The following EXOC4 variants were observed in gnomAD, a reference collection of about 807,000 sequenced individuals.
EXOC4 encodes the protein SEC8-like 1.
In EXOC4, 71 loss-of-function variants were observed where a neutral mutation model predicts 107.2. The observed-to-expected ratio is 0.66, with a 90% CI of 0.55 to 0.81. The LOEUF (loss-of-function observed/expected upper bound fraction) is 0.81. EXOC4 is among the 30% of genes least tolerant of loss of function. The probability of loss-of-function intolerance (pLI) is 0.00; values close to 1 mark genes in which losing one functional copy is unlikely to be tolerated. For missense variants in EXOC4, 1,108 were observed against 1,189.6 expected (o/e 0.93, Z 1.01); for synonymous variants, 456 against 441.2 (o/e 1.03, Z -0.42).
chr7:133,895,766 A>G (rs754209564), intron 12 of EXOC4, 31 bp downstream of exon 12: 3 of 1,600,116 alleles, frequency 1.9e-6, no homozygotes, highest in Non-Finnish European at 1.7e-6. Context: ...TAAGCAAAGT[A>G]ACGTTTGAGC....
intron 11 of EXOC4, among the ~76,000 whole-genome samples, chr7:133,844,613 C>T (rs148227951): frequency 2.6e-4 from 40 of 152,046 alleles, no homozygotes; most frequent in Admixed American, 1.0e-3. Context: ...TGGTCTCGAT[C>T]TCTTGATCTT....
intron 11 of EXOC4, among the ~76,000 whole-genome samples, chr7:133,837,402 A>G (rs1797940206): frequency 6.6e-6 from 1 of 152,174 alleles, no homozygotes; most frequent in Non-Finnish European, 1.5e-5. Flanking sequence ...AAAGACCATA[A>G]AATAGCAGCC....
chr7:133,489,350 A>G (rs1487484252), intron 9 of EXOC4, among the ~76,000 whole-genome samples: 11 of 152,186 alleles, frequency 7.2e-5, no homozygotes, highest in Non-Finnish European at 1.0e-4. Context: ...GATATAAACA[A>G]TTTTTTAAGA....
intron 2 of EXOC4, among the ~76,000 whole-genome samples, chr7:133,278,561 C>T (rs1794052573): frequency 6.6e-6 from 1 of 151,968 alleles, no homozygotes; most frequent in Non-Finnish European, 1.5e-5. Flanking sequence ...AAGCAGGTGC[C>T]CAGATCCCAA....
intron 17 of EXOC4, among the ~76,000 whole-genome samples, chr7:134,036,902 G>T (rs1048146611): frequency 7.9e-5 from 12 of 152,226 alleles, no homozygotes; most frequent in African/African-American, 2.6e-4. Context: ...AAATAGAGAT[G>T]ATTTCTTTAC....
At chr7:133,524,754 A>G (rs1416048838) in intron 9 of EXOC4, among the ~76,000 whole-genome samples, 3 of 152,032 alleles carry the variant, frequency 2.0e-5, no homozygotes, top group African/African-American at 7.2e-5. Flanking sequence ...AGTTGTAGAT[A>G]TGTGGTGTTA....
At chr7:133,759,287 T>G (rs1344130506) in intron 10 of EXOC4, among the ~76,000 whole-genome samples, 1 of 152,152 alleles carries the variant, frequency 6.6e-6, no homozygotes, top group Non-Finnish European at 1.5e-5. Context: ...CTGTCCAGAA[T>G]CCTTTTTCTC....
rs375750983 is a variant in EXOC4, at chr7:133,478,653, A to G, written c.1329-1397A>G. On this transcript the variant is annotated intron_variant, in intron 8 of 17. Coordinates refer to ENST00000253861, the MANE Select transcript of EXOC4 (RefSeq NM_021807.4). ...TTAAGATTTTGACTGTTTTTATCAC[A>G]TCTGTGGAGGACTTTATTACCCTCT... 2.0e-5 allele frequency among the ~76,000 whole-genome samples: 3 copies of G among 152,304 alleles called. No individual in the cohort carries two copies. The South Asian group carries it at 6.2e-4, about 32-fold the overall frequency.
At chr7:133,771,952 G>T (rs1395045484) in intron 10 of EXOC4, among the ~76,000 whole-genome samples, 1 of 151,922 alleles carries the variant, frequency 6.6e-6, no homozygotes, top group African/African-American at 2.4e-5. Flanking sequence ...TTAGACATCA[G>T]ATCCCTCATA....
chr7:133,785,115 C>T (rs1796542080), intron 10 of EXOC4, among the ~76,000 whole-genome samples: 1 of 152,196 alleles, frequency 6.6e-6, no homozygotes, highest in African/African-American at 2.4e-5. Context: ...TTCCAGATTA[C>T]TGCCTCATAG....
At chr7:134,031,264 G>A (rs1426478132) in intron 17 of EXOC4, among the ~76,000 whole-genome samples, 1 of 152,144 alleles carries the variant, frequency 6.6e-6, no homozygotes, top group African/African-American at 2.4e-5. Flanking sequence ...TGATTTGTAT[G>A]GTATGTGAAT....
At chr7:133,636,439 G>T (rs1232937893) in intron 10 of EXOC4, among the ~76,000 whole-genome samples, 1 of 152,156 alleles carries the variant, frequency 6.6e-6, no homozygotes, top group Non-Finnish European at 1.5e-5. Context: ...CAAAAAGTGA[G>T]TTTTATAGTA....
intron 10 of EXOC4, among the ~76,000 whole-genome samples, chr7:133,773,091 G>A (rs1796277133): frequency 6.6e-6 from 1 of 152,014 alleles, no homozygotes; most frequent in Non-Finnish European, 1.5e-5. Flanking sequence ...TTTCATCCCA[G>A]AGCATGCCTG....
chr7:134,043,157 T>C (rs891150036), intron 17 of EXOC4, among the ~76,000 whole-genome samples: 3 of 152,164 alleles, frequency 2.0e-5, no homozygotes, highest in Non-Finnish European at 4.4e-5. Context: ...TTTCCAGATA[T>C]GGAAACTGAG....
chr7:133,493,966 G>T (rs1318874204), intron 9 of EXOC4, among the ~76,000 whole-genome samples: 1 of 152,150 alleles, frequency 6.6e-6, no homozygotes, highest in Non-Finnish European at 1.5e-5. Context: ...AATTTAGGAC[G>T]GTTGGAATAT....
chr7:133,427,748 C>G (rs1797760572), intron 7 of EXOC4, among the ~76,000 whole-genome samples: 1 of 152,114 alleles, frequency 6.6e-6, no homozygotes, highest in Non-Finnish European at 1.5e-5. Flanking sequence ...AGGCTGGTGG[C>G]CAAATATTTT....
rs542954421 is a variant in EXOC4, at chr7:133,290,645, T to C, written c.471+1529T>C. Among the ~76,000 whole-genome samples the C allele has an allele frequency of 6.6e-5, 10 of 152,352 alleles. No individual in the cohort carries two copies. In the East Asian group the frequency reaches 1.9e-3, roughly 29 times the overall value. On this transcript the variant is annotated intron_variant, in intron 3 of 17. Coordinates refer to ENST00000253861, the MANE Select transcript of EXOC4 (RefSeq NM_021807.4). ...TATTTCTGTGTTAATTATGTTCATA[T>C]TAGGATTTCAGATTTTTGTGTTACG...
intron 11 of EXOC4, among the ~76,000 whole-genome samples, chr7:133,828,830 A>G (rs1434742777): frequency 7.2e-5 from 11 of 152,246 alleles, no homozygotes; most frequent in African/African-American, 2.2e-4. Flanking sequence ...ATGTGGGGAT[A>G]CAGAATAAAC....
At chr7:133,475,621 T>G in intron 8 of EXOC4, 148 bp downstream of exon 8, 1 of 709,560 alleles carries the variant, frequency 1.4e-6, no homozygotes, top group Non-Finnish European at 2.2e-6. Flanking sequence ...TTTTATTTAT[T>G]TTTGTTTTCT....
Sources: gnomAD v4.1 joint callset for allele counts (sites outside exome capture counted in the v4.1 genomes callset) on GRCh38, gnomAD v4.1.1 for gene constraint, MANE v1.5 for transcripts, NCBI Gene and HGNC (gene_info 2026-07-23, HGNC 2026-07-21) for gene names.